TPRG1: variants seen among roughly 807,000 people sequenced by gnomAD.
TPRG1 encodes tumor protein p63 regulated 1, also known as tumor protein p63-regulated gene 1 protein.
TPRG1 carries 29 observed loss-of-function variants against 29.3 expected under a neutral mutation model. The observed-to-expected ratio is 0.99, with a 90% CI of 0.74 to 1.35. TPRG1 has a LOEUF of 1.35. Ranked by LOEUF, TPRG1 falls within the 40% of genes most tolerant of loss-of-function variation. TPRG1 has a pLI of 0.00. For synonymous variants in TPRG1, 130 were observed against 116.8 expected (o/e 1.11, Z -0.73); for missense variants, 327 against 335.0 (o/e 0.98, Z 0.19).
chr3:189,302,053 A>G lies in TPRG1; in HGVS notation c.480-8333A>G, dbSNP rs140202121. Among the ~76,000 whole-genome samples the G allele has an allele frequency of 3.6e-3, 546 of 152,310 alleles. 6 individuals carry two copies. Among genetic ancestry groups the G allele is most frequent in the African/African-American group, 0.012 (489 of 41,562 alleles). On this transcript the variant is annotated intron_variant, in intron 4 of 5. Coordinates refer to ENST00000345063, the MANE Select transcript of TPRG1 (RefSeq NM_198485.4). ...ATATACAAATTATGGCACATAGCACACATACAATTTTTCTTATGTGGATCT... is the reference window on the plus strand; with the variant it reads ...ATATACAAATTATGGCACATAGCACGCATACAATTTTTCTTATGTGGATCT...
chr3:189,104,901 C>G (rs1430376117), intron 1 of TPRG1, among the ~76,000 whole-genome samples: 2 of 152,110 alleles, frequency 1.3e-5, no homozygotes, highest in African/African-American at 2.4e-5. Flanking sequence ...TGACCCATCC[C>G]CATCAGCTTT....
chr3:189,297,263 G>A (rs893966906), intron 4 of TPRG1, among the ~76,000 whole-genome samples: 1 of 152,120 alleles, frequency 6.6e-6, no homozygotes, highest in Non-Finnish European at 1.5e-5. Flanking sequence ...TTACAGGCAT[G>A]AGCCACCATG....
chr3:189,150,808 A>G (rs1295530518), exon 5 of TPRG1: 4 of 152,190 alleles, frequency 2.6e-5, no homozygotes, highest in Non-Finnish European at 5.9e-5. Flanking sequence ...ACTGTCTGGT[A>G]TTGTTCAACC....
chr3:189,157,450 C>A (rs1726844162), intron 5 of TPRG1, among the ~76,000 whole-genome samples: 1 of 152,152 alleles, frequency 6.6e-6, no homozygotes, highest in Non-Finnish European at 1.5e-5. Context: ...GGCAGATGGT[C>A]ATGCTTCCTT....
intron 4 of TPRG1, among the ~76,000 whole-genome samples, chr3:189,043,418 C>T (rs1439067703): frequency 6.6e-6 from 1 of 152,134 alleles, no homozygotes; most frequent in Non-Finnish European, 1.5e-5. Context: ...TTTCTTAGCC[C>T]TCAGTTTTTC....
At chr3:189,019,626 T>C (rs1330409169) in intron 3 of TPRG1, among the ~76,000 whole-genome samples, 2 of 152,174 alleles carry the variant, frequency 1.3e-5, no homozygotes, top group Non-Finnish European at 2.9e-5. Flanking sequence ...CTGCTGGATT[T>C]GTTTTGCCAG....
At chr3:189,102,384 A>G (rs1314474782) in intron 1 of TPRG1, among the ~76,000 whole-genome samples, 1 of 152,184 alleles carries the variant, frequency 6.6e-6, no homozygotes, top group Non-Finnish European at 1.5e-5. Context: ...CTCACACACA[A>G]CATGTACCAA....
intron 1 of TPRG1, among the ~76,000 whole-genome samples, chr3:189,189,287 TA>T (rs908020079): frequency 1.1e-4 from 17 of 151,958 alleles, no homozygotes; most frequent in Admixed American, 8.5e-4. Flanking sequence ...TAGCTTGATT[TA>T]AAAAAAATGC....
At chr3:189,219,586 G>A (rs974920927) in intron 3 of TPRG1, 2 of 1,285,618 alleles carry the variant, frequency 1.6e-6, no homozygotes, top group Admixed American at 2.3e-5. Context: ...CATTAAGCCA[G>A]CACCAAGGAG....
At chr3:189,023,549 T>A (rs189372534) in intron 3 of TPRG1, among the ~76,000 whole-genome samples, 2 of 152,250 alleles carry the variant, frequency 1.3e-5, no homozygotes, top group Admixed American at 1.3e-4. Flanking sequence ...GCTGGAGAGG[T>A]GTTGCAGTCA....
chr3:189,031,278 G>A (rs962359276), intron 4 of TPRG1, among the ~76,000 whole-genome samples: 1 of 125,362 alleles, frequency 8.0e-6, no homozygotes, highest in Admixed American at 9.1e-5. Flanking sequence ...GCGACAGAGC[G>A]AGACTCTGTC....
chr3:189,009,991 T>C (rs752866870), intron 3 of TPRG1, among the ~76,000 whole-genome samples: 3 of 152,126 alleles, frequency 2.0e-5, no homozygotes, highest in Non-Finnish European at 2.9e-5. Flanking sequence ...TTCCCTACCA[T>C]GTGTTCATGT....
chr3:189,097,342 T>A (rs1300824887), upstream of TPRG1, among the ~76,000 whole-genome samples: 1 of 152,210 alleles, frequency 6.6e-6, no homozygotes, highest in African/African-American at 2.4e-5. Flanking sequence ...CTTCACTTTG[T>A]TCATTACTGA....
At chr3:189,208,796 T>C (rs1378148653) in intron 2 of TPRG1, among the ~76,000 whole-genome samples, 1 of 152,180 alleles carries the variant, frequency 6.6e-6, no homozygotes, top group East Asian at 1.9e-4. Flanking sequence ...AGTTGTGCTA[T>C]CTTTGATATT....
intron 4 of TPRG1, among the ~76,000 whole-genome samples, chr3:189,089,765 T>TAATCA (rs1406847265): frequency 2.6e-5 from 4 of 152,216 alleles, no homozygotes; most frequent in Non-Finnish European, 5.9e-5. Context: ...TAATCCTTGA[T>TAATCA]AATCAAATCA....
At chr3:189,097,887 A>G (rs146165316), upstream of TPRG1, among the ~76,000 whole-genome samples, 1 of 152,222 alleles carries the variant, frequency 6.6e-6, no homozygotes, top group Non-Finnish European at 1.5e-5. Flanking sequence ...AGAACTACTG[A>G]TGGAAATAAT....
chr3:189,084,414 T>A (rs1237565433), intron 4 of TPRG1, among the ~76,000 whole-genome samples: 1 of 152,170 alleles, frequency 6.6e-6, no homozygotes, highest in East Asian at 1.9e-4. Context: ...GAGAATGCCC[T>A]GTTCTTTAGC....
intron 4 of TPRG1, among the ~76,000 whole-genome samples, chr3:189,259,228 A>T (rs916604565): frequency 6.6e-6 from 1 of 151,916 alleles, no homozygotes; most frequent in Non-Finnish European, 1.5e-5. Context: ...ACAGTCCTTC[A>T]TGGCTTCCCT....
At chr3:189,070,910 G>A (rs895741026) in intron 4 of TPRG1, among the ~76,000 whole-genome samples, 1 of 152,082 alleles carries the variant, frequency 6.6e-6, no homozygotes, top group African/African-American at 2.4e-5. Context: ...AGGCCACAAA[G>A]CTGAGGGTTG....
Sources: allele counts gnomAD v4.1 joint callset (sites outside exome capture counted in the v4.1 genomes callset), GRCh38; gene constraint gnomAD v4.1.1; transcripts MANE v1.5; gene names NCBI Gene and HGNC (gene_info 2026-07-23, HGNC 2026-07-21).